Variants in PDK1 observed in about 807,000 individuals in gnomAD.
PDK1 encodes pyruvate dehydrogenase kinase 1.
In PDK1, 39 loss-of-function variants were observed where a neutral mutation model predicts 54.2. The ratio of observed to expected loss-of-function variants is 0.72; its 90% CI spans 0.56 to 0.94. The LOEUF (loss-of-function observed/expected upper bound fraction) is 0.94, where lower values mean the gene tolerates loss of function less well. PDK1 is among the 40% of genes least tolerant of loss of function. The pLI is 0.00. For missense variants in PDK1, 552 were observed against 566.0 expected (o/e 0.98, Z 0.25); for synonymous variants, 221 against 207.1 (o/e 1.07, Z -0.58).
chr2:172,689,510 A>C, the PDK1 span, among the ~76,000 whole-genome samples: 1 of 152,246 alleles, frequency 6.6e-6, no homozygotes, highest in Admixed American at 6.5e-5. Context: ...TTTAAAGTTC[A>C]TATGGAAACA....
chr2:172,582,392 G>GA (rs1474828143), intron 8 of PDK1, among the ~76,000 whole-genome samples: 1 of 152,164 alleles, frequency 6.6e-6, no homozygotes, highest in Non-Finnish European at 1.5e-5. Flanking sequence ...TCTGGGCCTA[G>GA]AGTTCACATG....
the PDK1 span, among the ~76,000 whole-genome samples, chr2:172,618,945 C>G: frequency 6.6e-6 from 1 of 152,170 alleles, no homozygotes; most frequent in Non-Finnish European, 1.5e-5. Flanking sequence ...AAATTATGGT[C>G]TGCAGCTAAT....
At chr2:172,639,285 A>G in the PDK1 span, among the ~76,000 whole-genome samples, 1 of 152,268 alleles carries the variant, frequency 6.6e-6, no homozygotes, top group East Asian at 1.9e-4. Flanking sequence ...CCGTGGAGGG[A>G]GCTACACAGT....
the PDK1 span, among the ~76,000 whole-genome samples, chr2:172,722,094 C>G: frequency 6.6e-6 from 1 of 152,244 alleles, no homozygotes; most frequent in African/African-American, 2.4e-5. Flanking sequence ...TGGCATTCCT[C>G]CATGCTCCTT....
At chr2:172,627,616 C>A in the PDK1 span, among the ~76,000 whole-genome samples, 1 of 152,250 alleles carries the variant, frequency 6.6e-6, no homozygotes, top group Admixed American at 6.5e-5. Context: ...TCCTTAGAGG[C>A]CTGTGGGCCC....
chr2:172,613,611 C>A (rs750211200), downstream of PDK1, among the ~76,000 whole-genome samples: 4 of 152,114 alleles, frequency 2.6e-5, no homozygotes, highest in Non-Finnish European at 5.9e-5. Flanking sequence ...TACCACCATG[C>A]CCACCTTTGA....
the PDK1 span, among the ~76,000 whole-genome samples, chr2:172,686,856 T>C: frequency 2.6e-5 from 4 of 152,234 alleles, no homozygotes; most frequent in Admixed American, 1.3e-4. Context: ...TCTACCTATC[T>C]GCTATCTATC....
chr2:172,660,280 G>A, the PDK1 span, among the ~76,000 whole-genome samples: 4 of 47,350 alleles, frequency 8.4e-5, no homozygotes, highest in Admixed American at 2.7e-4. Flanking sequence ...TTTTGGAGAT[G>A]GAGCCTTGCT....
At chr2:172,591,462 T>A (rs557601869) in intron 9 of PDK1, among the ~76,000 whole-genome samples, 1 of 152,354 alleles carries the variant, frequency 6.6e-6, no homozygotes, top group East Asian at 1.9e-4. Context: ...GAGTCACTGC[T>A]GCCAAAGAGT....
chr2:172,615,559 G>T, the PDK1 span, among the ~76,000 whole-genome samples: 1 of 152,030 alleles, frequency 6.6e-6, no homozygotes, highest in East Asian at 1.9e-4. Flanking sequence ...GGAGGCAGAG[G>T]TTGCAGTGAG....
chr2:172,631,998 G>T, the PDK1 span, among the ~76,000 whole-genome samples: 4,824 of 152,006 alleles, frequency 0.032, 127 homozygotes, highest in South Asian at 0.14. Flanking sequence ...CCTTGAGGCC[G>T]GACGTGGTGG....
At chr2:172,709,529 CTT>C in the PDK1 span, among the ~76,000 whole-genome samples, 4 of 152,182 alleles carry the variant, frequency 2.6e-5, no homozygotes, top group Non-Finnish European at 5.9e-5. Flanking sequence ...TTTCAGCAAA[CTT>C]TTCATACATT....
rs903539079 is a variant in PDK1 at position 172,570,865 on chromosome 2, G to C, written c.945+41G>C. The C allele has an allele frequency of 8.4e-6, 8 of 947,362 alleles. No individual in the cohort carries two copies. In the South Asian group the frequency reaches 1.1e-4, roughly 13 times the overall value. 58.7% of individuals were successfully genotyped at this position (947,362 alleles called of 1,614,324 possible). On this transcript the variant is annotated intron_variant, in intron 8 of 10. Coordinates refer to ENST00000282077, the MANE Select transcript of PDK1 (RefSeq NM_002610.5). ...GGTTTGTTTTCTTTTTTTTTTTTTT[G>C]TAATTGATGAACAGACATGCAAAGG...
At position 172,597,732 on chromosome 2, in the gene PDK1, A is replaced by G. The variant is rs1690966105; in HGVS notation, c.*1763A>G. 1 of 152,338 alleles carries G rather than the reference A, an allele frequency of 6.6e-6. No homozygotes were observed. Among genetic ancestry groups the G allele is most frequent in the Admixed American group, 6.5e-5 (1 of 15,306 alleles). 9.4% of individuals were successfully genotyped at this position (152,338 alleles called of 1,614,324 possible). A position where few individuals can be genotyped will look rare whatever the true frequency, so the allele number is the denominator to read the frequency against. ...AGACTGTGTTGTTAGTTATCCCTCA[A>G]CATCTTCTAAGGTGGCAGGAAATAA... On this transcript the variant is annotated 3_prime_UTR_variant, in exon 11 of 11. Coordinates refer to ENST00000282077, the MANE Select transcript of PDK1 (RefSeq NM_002610.5).
At chr2:172,702,201 G>A in the PDK1 span, among the ~76,000 whole-genome samples, 2 of 152,180 alleles carry the variant, frequency 1.3e-5, no homozygotes, top group Admixed American at 6.5e-5. Flanking sequence ...GGATGGCCGG[G>A]CGCAGTGGTT....
intron 8 of PDK1, 103 bp from the exon 9 acceptor site, chr2:172,586,175 A>AAG: frequency 1.8e-6 from 1 of 570,438 alleles, no homozygotes; most frequent in Non-Finnish European, 3.1e-6. Flanking sequence ...AAAAAAAAAA[A>AAG]GCGCTCTCCC....
At chr2:172,667,929 A>G in the PDK1 span, among the ~76,000 whole-genome samples, 1 of 152,222 alleles carries the variant, frequency 6.6e-6, no homozygotes, top group African/African-American at 2.4e-5. Context: ...TTCCAAATGC[A>G]TTGTTATCCA....
the PDK1 span, among the ~76,000 whole-genome samples, chr2:172,622,340 CAT>C: frequency 2.5e-4 from 32 of 130,320 alleles, 1 homozygote; most frequent in Middle Eastern, 0.01. Context: ...GTTTATATCT[CAT>C]ATATTGTGTG....
At chr2:172,659,247 G>A in the PDK1 span, among the ~76,000 whole-genome samples, 13 of 152,218 alleles carry the variant, frequency 8.5e-5, no homozygotes, top group East Asian at 1.7e-3. Flanking sequence ...TACGGGGGGC[G>A]GTTTCCCCCG....
Sources: gnomAD v4.1 joint callset for allele counts (sites outside exome capture counted in the v4.1 genomes callset) on GRCh38, gnomAD v4.1.1 for gene constraint, MANE v1.5 for transcripts, NCBI Gene and HGNC (gene_info 2026-07-23, HGNC 2026-07-21) for gene names.